Variants in SORCS1 observed in about 807,000 individuals in gnomAD.
SORCS1 encodes sortilin related VPS10 domain containing receptor 1, also known as VPS10 domain-containing receptor SorCS1.
In SORCS1, 60 loss-of-function variants were observed where a neutral mutation model predicts 146.1. The ratio of observed to expected loss-of-function variants is 0.41; its 90% CI spans 0.33 to 0.51. The LOEUF (loss-of-function observed/expected upper bound fraction) is 0.51, where lower values mean the gene tolerates loss of function less well. Ranked by LOEUF, SORCS1 falls within the 20% of genes least tolerant of loss-of-function variation. The probability of loss-of-function intolerance (pLI) is 0.21; values close to 1 mark genes in which losing one functional copy is unlikely to be tolerated. For synonymous variants in SORCS1, 637 were observed against 584.0 expected (o/e 1.09, Z -1.31); for missense variants, 1,352 against 1,487.6 (o/e 0.91, Z 1.50).
At chr10:106,824,158 G>A (rs1317431726) in intron 3 of SORCS1, among the ~76,000 whole-genome samples, 1 of 151,704 alleles carries the variant, frequency 6.6e-6, no homozygotes, top group African/African-American at 2.4e-5. Flanking sequence ...ACAAAAATTA[G>A]TTGGGTGTGG....
chr10:107,028,917 A>G (rs1382601618), intron 1 of SORCS1, among the ~76,000 whole-genome samples: 4 of 152,232 alleles, frequency 2.6e-5, no homozygotes, highest in Admixed American at 1.3e-4. Context: ...GTTCATCATT[A>G]AAATGAATCA....
intron 3 of SORCS1, among the ~76,000 whole-genome samples, chr10:106,806,568 T>G (rs1397958190): frequency 8.3e-6 from 1 of 119,948 alleles, no homozygotes; most frequent in Non-Finnish European, 1.6e-5. Context: ...CAGGCTGGAG[T>G]GCAGTGGCAT....
chr10:106,676,255 C>T (rs1405093670), intron 13 of SORCS1, among the ~76,000 whole-genome samples: 2 of 152,108 alleles, frequency 1.3e-5, no homozygotes, highest in Non-Finnish European at 2.9e-5. Flanking sequence ...TTAAAAGAGC[C>T]TATTGATAAC....
chr10:106,864,670 G>A (rs1455162083), intron 2 of SORCS1, among the ~76,000 whole-genome samples: 9 of 152,066 alleles, frequency 5.9e-5, no homozygotes, highest in Non-Finnish European at 1.0e-4. Flanking sequence ...CTGCTGATGC[G>A]GAACTCCAGC....
At chr10:106,914,876 CT>C (rs1222990486) in intron 2 of SORCS1, among the ~76,000 whole-genome samples, 1 of 152,158 alleles carries the variant, frequency 6.6e-6, no homozygotes, top group Admixed American at 6.5e-5. Flanking sequence ...TCAACACATG[CT>C]CAACATTGAT....
At chr10:106,591,712 A>T (rs1438618796) in intron 24 of SORCS1, among the ~76,000 whole-genome samples, 1 of 152,234 alleles carries the variant, frequency 6.6e-6, no homozygotes, top group Non-Finnish European at 1.5e-5. Flanking sequence ...TCAAAAGGTG[A>T]TGGTCATGAT....
intron 1 of SORCS1, among the ~76,000 whole-genome samples, chr10:107,131,269 C>A (rs1966866005): frequency 6.6e-6 from 1 of 152,194 alleles, no homozygotes; most frequent in South Asian, 2.1e-4. Context: ...TCTTTCACAT[C>A]ACATTTCTGC....
At chr10:107,120,894 A>G (rs1230170648) in intron 1 of SORCS1, among the ~76,000 whole-genome samples, 6 of 152,204 alleles carry the variant, frequency 3.9e-5, no homozygotes, top group African/African-American at 1.4e-4. Context: ...TCTCAAGTGA[A>G]AAAAAAGCAA....
intron 4 of SORCS1, among the ~76,000 whole-genome samples, chr10:106,763,533 C>T (rs1250922701): frequency 6.6e-6 from 1 of 152,186 alleles, no homozygotes; most frequent in Admixed American, 6.5e-5. Context: ...AACTTTCGGT[C>T]CTGGTGGGCT....
chr10:106,813,135 T>TTC (rs1554850294), intron 3 of SORCS1, among the ~76,000 whole-genome samples: 3 of 142,122 alleles, frequency 2.1e-5, no homozygotes, highest in African/African-American at 7.8e-5. Flanking sequence ...TTTCTTTTTT[T>TTC]TTTTTTTTTT....
intron 2 of SORCS1, among the ~76,000 whole-genome samples, chr10:106,915,303 C>T (rs1952363263): frequency 6.6e-6 from 1 of 152,200 alleles, no homozygotes; most frequent in African/African-American, 2.4e-5. Flanking sequence ...CAAGCCCTAT[C>T]ATTTACTCCC....
intron 8 of SORCS1, among the ~76,000 whole-genome samples, chr10:106,706,291 AAGAG>A (rs1236540984): frequency 1.3e-5 from 2 of 151,530 alleles, no homozygotes; most frequent in African/African-American, 4.8e-5. Context: ...ATGAAGGAGA[AAGAG>A]AAAGAAAGAA....
chr10:106,961,015 G>C (rs1955197527), intron 1 of SORCS1, among the ~76,000 whole-genome samples: 1 of 152,160 alleles, frequency 6.6e-6, no homozygotes, highest in Non-Finnish European at 1.5e-5. Flanking sequence ...AGGACTCTGT[G>C]AGAGGAGAAT....
At chr10:106,633,154 G>A (rs1317706847) in intron 18 of SORCS1, among the ~76,000 whole-genome samples, 1 of 152,158 alleles carries the variant, frequency 6.6e-6, no homozygotes, top group Non-Finnish European at 1.5e-5. Flanking sequence ...AGCCATTAAA[G>A]TGTTTTACTT....
intron 12 of SORCS1, among the ~76,000 whole-genome samples, chr10:106,678,064 G>T (rs1852167181): frequency 6.6e-6 from 1 of 152,166 alleles, no homozygotes; most frequent in Non-Finnish European, 1.5e-5. Context: ...GAGACACAAT[G>T]GAAACAATCT....
chr10:106,659,835 C>A (rs1169394812), intron 17 of SORCS1, among the ~76,000 whole-genome samples: 1 of 152,260 alleles, frequency 6.6e-6, no homozygotes, highest in African/African-American at 2.4e-5. Context: ...TTCCCAACCC[C>A]AGTGTCATGC....
intron 1 of SORCS1, among the ~76,000 whole-genome samples, chr10:107,114,145 A>G (rs1444223738): frequency 6.6e-6 from 1 of 152,212 alleles, no homozygotes; most frequent in Non-Finnish European, 1.5e-5. Context: ...AGATTGAATC[A>G]GTAATCAAAA....
intron 3 of SORCS1, among the ~76,000 whole-genome samples, chr10:106,797,283 T>C (rs1946619494): frequency 1.3e-5 from 2 of 152,304 alleles, no homozygotes; most frequent in South Asian, 2.1e-4. Context: ...CAAAAACCTC[T>C]GAGCATTTTG....
At chr10:106,996,225 T>TA (rs376245294) in intron 1 of SORCS1, among the ~76,000 whole-genome samples, 1,955 of 99,480 alleles carry the variant, frequency 0.02, 66 homozygotes, top group African/African-American at 0.061. Flanking sequence ...AGACTCCATC[T>TA]AAAAAAAAAA....
Sources: gnomAD v4.1 joint callset for allele counts (sites outside exome capture counted in the v4.1 genomes callset) on GRCh38, gnomAD v4.1.1 for gene constraint, MANE v1.5 for transcripts, NCBI Gene and HGNC (gene_info 2026-07-23, HGNC 2026-07-21) for gene names.